Variants in ABCB11 observed in about 807,000 individuals in gnomAD.
The protein encoded by ABCB11 is bile salt export pump.
A neutral mutation model predicts 148.0 loss-of-function variants in ABCB11; 95 were observed. The observed-to-expected ratio is 0.64, with a 90% CI of 0.54 to 0.76. The LOEUF is 0.76. Ranked by LOEUF, ABCB11 falls within the 30% of genes least tolerant of loss-of-function variation. ABCB11 has a pLI of 0.00. For missense variants in ABCB11, 1,523 were observed against 1,617.8 expected, an observed-to-expected ratio of 0.94 and a Z score of 1.01; for synonymous variants, 591 against 555.4, an observed-to-expected ratio of 1.06 and a Z score of -0.90.
chr2:169,007,825 T>C (rs903344818), intron 5 of ABCB11, among the ~76,000 whole-genome samples: 1 of 152,150 alleles, frequency 6.6e-6, no homozygotes, highest in African/African-American at 2.4e-5. Flanking sequence ...AAGATAATTA[T>C]CAAGAAGTTA....
chr2:169,023,487 T>C (rs1419207053), intron 1 of ABCB11, among the ~76,000 whole-genome samples: 1 of 152,208 alleles, frequency 6.6e-6, no homozygotes, highest in Non-Finnish European at 1.5e-5. Flanking sequence ...TTGCAGTACT[T>C]CTTTGGAAAC....
chr2:168,915,877 A>G (rs886088834), downstream of ABCB11, among the ~76,000 whole-genome samples: 2 of 152,208 alleles, frequency 1.3e-5, no homozygotes, highest in African/African-American at 2.4e-5. Flanking sequence ...TAATAGAGGA[A>G]AGCAAAAGAA....
chr2:168,930,687 T>C lies in ABCB11; in HGVS notation c.3389A>G (p.Tyr1130Cys), dbSNP rs1174631566. The C allele has an allele frequency of 2.0e-5, 31 of 1,574,952 alleles. No homozygotes were observed. The highest frequency in any genetic ancestry group is 4.5e-5 in the East Asian group (2 of 44,008). ...TACCACCTTCCCTTGATCAGGATCA[T>C]AGAAACGTTCCAACAGCTGAATGCT... ...STSIQLLERF[Y>C]DPDQGKVMID... The change falls in exon 25 of 28, where the codon TAT (tyrosine) becomes TGT (cysteine). Residue 1130 changes from tyrosine to cysteine, a missense_variant. Coordinates refer to ENST00000650372, the MANE Select transcript of ABCB11 (RefSeq NM_003742.4).
chr2:168,920,499 G>A (rs1029998786), downstream of ABCB11, among the ~76,000 whole-genome samples: 2 of 147,080 alleles, frequency 1.4e-5, no homozygotes, highest in Admixed American at 6.7e-5. Flanking sequence ...CTATCTTTTT[G>A]TTTTACTTTC....
chr2:169,010,885 C>T (rs1695161543), intron 5 of ABCB11, among the ~76,000 whole-genome samples: 1 of 152,124 alleles, frequency 6.6e-6, no homozygotes, highest in South Asian at 2.1e-4. Flanking sequence ...TTTCAGCTAT[C>T]TGTATGAATT....
At chr2:168,943,407 T>C in intron 21 of ABCB11, among the ~76,000 whole-genome samples, 1 of 151,854 alleles carries the variant, frequency 6.6e-6, no homozygotes, top group Non-Finnish European at 1.5e-5. Flanking sequence ...ATGATATAAA[T>C]TGCTTATAAG....
chr2:168,964,766 G>A (rs1313471261), intron 17 of ABCB11, among the ~76,000 whole-genome samples: 1 of 151,802 alleles, frequency 6.6e-6, no homozygotes, highest in East Asian at 1.9e-4. Flanking sequence ...ATGATATGAG[G>A]AAATAGGGCC....
chr2:168,952,556 T>G (rs1486349799), intron 19 of ABCB11, among the ~76,000 whole-genome samples: 1 of 151,554 alleles, frequency 6.6e-6, no homozygotes, highest in Non-Finnish European at 1.5e-5. Flanking sequence ...GTGGTATCTG[T>G]TATAATATCT....
At position 168,922,096 on chromosome 2, in the gene ABCB11, G is replaced by A. The variant is rs1391014800; in HGVS notation, c.*1526C>T. Among the ~76,000 whole-genome samples, 3 of 152,106 alleles carry A rather than the reference G, an allele frequency of 2.0e-5. No individual in the cohort carries two copies. The highest frequency in any genetic ancestry group is 6.5e-5 in the Admixed American group (1 of 15,290). On this transcript the variant is annotated 3_prime_UTR_variant, in exon 28 of 28. Transcript: ENST00000650372. Reference sequence around the variant, plus strand: ...AATCTCTCGACCTCATGATCCGCCCGCCTTGGCCTCCCAAAGTGCTGGGAT... The same window carrying A: ...AATCTCTCGACCTCATGATCCGCCCACCTTGGCCTCCCAAAGTGCTGGGAT...
intron 18 of ABCB11, among the ~76,000 whole-genome samples, chr2:168,960,800 A>T (rs1693039579): frequency 6.6e-6 from 1 of 151,744 alleles, no homozygotes; most frequent in African/African-American, 2.4e-5. Flanking sequence ...CAATACAAAA[A>T]ATAATTAAAG....
intron 16 of ABCB11, 56 bp downstream of exon 16, chr2:168,969,294 C>T (rs1195960904): frequency 2.7e-6 from 4 of 1,477,202 alleles, no homozygotes; most frequent in Non-Finnish European, 3.7e-6. Context: ...AACCGTAAAG[C>T]ACTATAGACA....
chr2:169,018,601 T>C (rs796624169), intron 1 of ABCB11, among the ~76,000 whole-genome samples: 8 of 152,160 alleles, frequency 5.3e-5, no homozygotes, highest in African/African-American at 1.9e-4. Flanking sequence ...TGTTCCTTTG[T>C]AAATGCAACC....
At chr2:169,019,824 T>TTTGAA (rs1553473786) in intron 1 of ABCB11, among the ~76,000 whole-genome samples, 3 of 151,998 alleles carry the variant, frequency 2.0e-5, no homozygotes, top group Non-Finnish European at 4.4e-5. Flanking sequence ...TTCAAAGTGA[T>TTTGAA]GAGAAAAAAA....
intron 2 of ABCB11, 90 bp from the exon 3 acceptor site, chr2:169,016,889 T>G: frequency 1.1e-6 from 1 of 919,890 alleles, no homozygotes; most frequent in Non-Finnish European, 1.7e-6. Context: ...TAGAAAAATA[T>G]TCCTATAAAT....
intron 3 of ABCB11, among the ~76,000 whole-genome samples, chr2:169,015,531 G>A (rs544513921): frequency 4.8e-4 from 73 of 152,040 alleles, no homozygotes; most frequent in African/African-American, 1.6e-3. Context: ...TCTGGGTGCG[G>A]GCACCTGCTA....
intron 17 of ABCB11, among the ~76,000 whole-genome samples, chr2:168,964,735 T>C (rs1405717694): frequency 6.6e-6 from 1 of 151,882 alleles, no homozygotes; most frequent in Non-Finnish European, 1.5e-5. Flanking sequence ...ACCTGATGTG[T>C]TCACTTTAGC....
intron 17 of ABCB11, among the ~76,000 whole-genome samples, chr2:168,966,205 T>C (rs1363606093): frequency 6.6e-6 from 1 of 151,828 alleles, no homozygotes; most frequent in Non-Finnish European, 1.5e-5. Flanking sequence ...AGGTGCTTGA[T>C]AGGAGGAGAC....
At chr2:168,939,844 T>C (rs1269717040) in intron 21 of ABCB11, among the ~76,000 whole-genome samples, 1 of 152,134 alleles carries the variant, frequency 6.6e-6, no homozygotes, top group African/African-American at 2.4e-5. Flanking sequence ...CTGCATCACA[T>C]TTTAGTAATT....
At chr2:168,996,438 C>A (rs564798779) in intron 6 of ABCB11, among the ~76,000 whole-genome samples, 197 bp downstream of exon 6, 7 of 151,730 alleles carry the variant, frequency 4.6e-5, no homozygotes, top group Non-Finnish European at 8.8e-5. Flanking sequence ...TATTATGCAT[C>A]TCTCTGGACA....
Sources: gnomAD v4.1 joint callset for allele counts (sites outside exome capture counted in the v4.1 genomes callset) on GRCh38, gnomAD v4.1.1 for gene constraint, MANE v1.5 for transcripts, NCBI Gene and HGNC (gene_info 2026-07-23, HGNC 2026-07-21) for gene names.